The following BRPF1 variants were observed in gnomAD, a reference collection of about 807,000 sequenced individuals.
BRPF1 encodes bromodomain and PHD finger containing 1, also known as peregrin.
Under a neutral mutation model 115.0 loss-of-function variants are expected in BRPF1, and 15 were observed. That is an observed-to-expected ratio of 0.13 (90% CI 0.09 to 0.20). BRPF1 has a LOEUF of 0.20. Among genes scored for constraint, BRPF1 ranks in the 10% least tolerant of loss-of-function variants. BRPF1 has a pLI of 1.00. For synonymous variants in BRPF1, 647 were observed against 619.8 expected (o/e 1.04, Z -0.65); for missense variants, 1,118 against 1,638.3 (o/e 0.68, Z 5.48).
In BRPF1 at chr3:9,747,208, C is replaced by T. The variant is rs1415178535; in HGVS notation, c.3522C>T (p.Asn1174=). 1.2e-6 allele frequency: 2 copies of T among 1,614,140 alleles called. No individual in the cohort carries two copies. The highest frequency in any genetic ancestry group is 1.1e-5 in the South Asian group (1 of 91,084). ...CCAAGCTGGTTCCTCTGGGTGTGAA[C>T]CAGGACCTAGACAAGGAGAAGATGC... ...PRTKLVPLGV[N]QDLDKEKMLE... is the part of the protein sequence containing the mutation. Residue 1174 remains asparagine, a synonymous_variant, in exon 14 of 14, where the codon AAC becomes AAT. Transcript: ENST00000383829. The surrounding 1 kb of genome is among the most constrained non-coding windows in gnomAD (Gnocchi z 5.6).
At position 9,740,004 on chromosome 3, in the gene BRPF1, T is replaced by C. The variant is rs769485114; in HGVS notation, c.1559+46T>C. ...CAGGCAGATGAGGGAGAAAGGAGCC[T>C]CCAGGAGAGGAGCTGGCAGCCTCCT... On this transcript the variant is annotated intron_variant, in intron 3 of 13. Transcript: ENST00000383829. 5 of 1,498,660 alleles carry C rather than the reference T, an allele frequency of 3.3e-6. No homozygotes were observed. In the East Asian group the frequency reaches 1.2e-4, roughly 35 times the overall value. 92.8% of individuals were successfully genotyped at this position (1,498,660 alleles called of 1,614,324 possible).
In BRPF1 at chr3:9,743,119, G is replaced by A. The variant is rs780233862; in HGVS notation, c.2177G>A (p.Arg726Gln). Residue 726 changes from arginine to glutamine, a missense_variant, in exon 7 of 14, where the codon CGG becomes CAG. Arg to Gln is a conservative substitution (Grantham distance 43, BLOSUM62 1). Coordinates refer to ENST00000383829, the MANE Select transcript of BRPF1 (RefSeq NM_001003694.2). This position sits in a 1 kb window ranked among gnomAD's most constrained non-coding sequence, Gnocchi z 6.1. ...ACCATCTTCTACCGGGCAGCAGTGC[G>A]GCTTCGTGAGCAGGGTGGTGCTGTG... ...KDTIFYRAAV[R>Q]LREQGGAVLR... The A allele has an allele frequency of 1.4e-5, 23 of 1,614,130 alleles. No homozygotes were observed. Among genetic ancestry groups the A allele is most frequent in the East Asian group, 6.7e-5 (3 of 44,902 alleles).
In BRPF1 at chr3:9,744,928, A is replaced by G. The variant is rs372996865; in HGVS notation, c.2921-80A>G. On this transcript the variant is annotated intron_variant, in intron 9 of 13. Coordinates refer to ENST00000383829, the MANE Select transcript of BRPF1 (RefSeq NM_001003694.2). ...GCACAGAAGGGGAACCCAAGCTCCA[A>G]GTCCCTCTTACCTCCATGTCATCTC... The G allele has an allele frequency of 1.1e-3, 1,782 of 1,587,400 alleles. 1 individual carries two copies. The highest frequency in any genetic ancestry group is 1.4e-3 in the Non-Finnish European group (1,668 of 1,158,006).
chr3:9,741,310 A>G lies in BRPF1; in HGVS notation c.1725A>G (p.Arg575=). The change falls in exon 5 of 14, where the codon AGA becomes AGG. Residue 575 remains arginine, a splice_region_variant and synonymous_variant. Transcript: ENST00000383829. The stretch of plus-strand genomic sequence containing the variant: ...TGATCTTCGTTTTGCCTCTACAGAG[A>G]GATTCTGAGGATAAGAACTGGGCCC... The part of the protein sequence containing the change: ...QSQRNCDQVG[R]DSEDKNWALK... 1 of 1,571,258 alleles carries G rather than the reference A, an allele frequency of 6.4e-7. No homozygotes were observed. The highest frequency in any genetic ancestry group is 8.7e-7 in the Non-Finnish European group (1 of 1,155,206).
rs772586825 is a variant in BRPF1 at position 9,734,966 on chromosome 3, C to G, written c.599+227C>G. Among the ~76,000 whole-genome samples, 1 of 151,222 alleles carries G rather than the reference C, an allele frequency of 6.6e-6. No individual in the cohort carries two copies. Among genetic ancestry groups the G allele is most frequent in the East Asian group, 1.9e-4 (1 of 5,164 alleles). ...TCAAAACTCTCAGGTAGGTATTTTT[C>G]TCATTTCACAGATGAGGAAACTATG... On this transcript the variant is annotated intron_variant, in intron 2 of 13. Coordinates refer to ENST00000383829, the MANE Select transcript of BRPF1 (RefSeq NM_001003694.2). This position sits in a 1 kb window ranked among gnomAD's most constrained non-coding sequence, Gnocchi z 5.7.
At chr3:9,746,060 T>C in intron 12 of BRPF1, 130 bp downstream of exon 12, 1 of 1,153,806 alleles carries the variant, frequency 8.7e-7, no homozygotes, top group Middle Eastern at 2.3e-4. Context: ...GGTGGGCAGA[T>C]ACAGCTTGAG....
chr3:9,741,439 G>T lies in BRPF1; in HGVS notation c.1854G>T (p.Thr618=), dbSNP rs368707343. Residue 618 remains threonine (T), a splice_region_variant and synonymous_variant, in exon 5 of 14, where the codon ACG becomes ACT. Transcript: ENST00000383829. ...AGCGGGAAAAACTCAAAAGGGAGAC[G>T]GTGAGTGCTCCTGGGCCAGCCCTAT... The part of the protein sequence containing the change: ...IRKREKLKRE[T]IKVQQIAMEM... 3 of 1,586,514 alleles carry T rather than the reference G, an allele frequency of 1.9e-6. No homozygotes were observed. The highest frequency in any genetic ancestry group is 2.7e-5 in the African/African-American group (2 of 73,842).
rs142175258 is a variant in BRPF1, at chr3:9,740,890, A to G, written c.1671A>G (p.Leu557=). ...AGTCACGGAATGGGGTCCCATTGCT[A>G]CGTCGCCTGCAGACACACCTGCAAT... The part of the protein sequence containing the change: ...KRQSRNGVPL[L]RRLQTHLQSQ... Residue 557 remains leucine (L), a synonymous_variant, in exon 4 of 14, where the codon CTA becomes CTG. Coordinates refer to ENST00000383829, the MANE Select transcript of BRPF1 (RefSeq NM_001003694.2). 12 of 1,613,798 alleles carry G rather than the reference A, an allele frequency of 7.4e-6. No homozygotes were observed. The African/African-American group carries it at 1.5e-4, about 20-fold the overall frequency.
Position 9,739,781 on chromosome 3 carries a change from A to G in BRPF1, c.1382A>G (p.His461Arg), listed in dbSNP as rs781638484. The G allele has an allele frequency of 1.5e-4, 245 of 1,613,926 alleles. No individual in the cohort carries two copies. In the Middle Eastern group the frequency reaches 6.8e-3, roughly 45 times the overall value. Residue 461 changes from histidine to arginine, a missense_variant, in exon 3 of 14, where the codon CAC becomes CGC. This residue lies in a region of BRPF1 where 87 missense variants were observed against 93.4 expected (regional missense o/e 0.93). Transcript: ENST00000383829. Reference protein sequence around the residue: ...GSARRLPALSHSEGEEDEDEE... With the variant: ...GSARRLPALSRSEGEEDEDEE... The stretch of plus-strand genomic sequence containing the variant: ...GCACGCCGACTGCCTGCCCTGTCCC[A>G]CAGCGAGGGTGAGGAGGATGAAGAT...
At chr3:9,742,593 T>A in intron 6 of BRPF1, 2 of 969,654 alleles carry the variant, frequency 2.1e-6, no homozygotes, top group Non-Finnish European at 2.5e-6. Context: ...TACTGTTAAG[T>A]AAAAAGAGCT....
intron 1 of BRPF1, chr3:9,733,427 A>G (rs2269109): frequency 0.14 from 20,592 of 152,274 alleles, 1,764 homozygotes; most frequent in South Asian, 0.31. Flanking sequence ...TACTGGGGAT[A>G]CAGAGGTGGA....
intron 2 of BRPF1, among the ~76,000 whole-genome samples, chr3:9,738,765 T>G (rs754179264): frequency 1.3e-5 from 2 of 152,234 alleles, no homozygotes; most frequent in Non-Finnish European, 2.9e-5. Flanking sequence ...CTCCACCACT[T>G]TCTCACAAGT....
rs1048617116 is a variant in BRPF1, at chr3:9,738,924, A to G, written c.600-75A>G. The G allele has an allele frequency of 3.5e-6, 5 of 1,432,698 alleles. No homozygotes were observed. In the African/African-American group the frequency reaches 4.3e-5, roughly 12 times the overall value. The allele number at this position is 1,432,698 out of a possible 1,614,324, so 88.7% of individuals were successfully genotyped here. On this transcript the variant is annotated intron_variant, in intron 2 of 13. Transcript: ENST00000383829. The stretch of plus-strand genomic sequence containing the variant: ...GGCATAGGCACAGAGTAAGTGCTCA[A>G]TGGCAAATGACCCATCATCTTTAAG...
chr3:9,744,956 A>G (rs1309667038), intron 9 of BRPF1, 52 bp from the exon 10 acceptor site: 2 of 1,611,894 alleles, frequency 1.2e-6, no homozygotes, highest in East Asian at 4.5e-5. Context: ...GTCATCTCTG[A>G]TCTACATCTT....
chr3:9,742,439 T>G, intron 6 of BRPF1: 1 of 985,346 alleles, frequency 1.0e-6, no homozygotes, highest in Non-Finnish European at 1.2e-6. Context: ...GGAAGACACT[T>G]TCGGGGTGCT....
chr3:9,736,004 A>AT (rs34061910), intron 2 of BRPF1, among the ~76,000 whole-genome samples: 9,177 of 89,148 alleles, frequency 0.1, 773 homozygotes, highest in South Asian at 0.13. Flanking sequence ...TTAAACCTCC[A>AT]TTTTTTTTTT....
chr3:9,747,549 C>A lies in BRPF1; in HGVS notation c.*200C>A. On this transcript the variant is annotated 3_prime_UTR_variant, in exon 14 of 14. Coordinates refer to ENST00000383829, the MANE Select transcript of BRPF1 (RefSeq NM_001003694.2). This position sits in a 1 kb window ranked among gnomAD's most constrained non-coding sequence, Gnocchi z 5.6. ...AACACTCCAAGGGCCAATGGCAGTT[C>A]AGCGCAAGGAGAGGGAGGGCCCACA... 1 of 531,808 alleles carries A rather than the reference C, an allele frequency of 1.9e-6. No homozygotes were observed. Among genetic ancestry groups the A allele is most frequent in the Non-Finnish European group, 3.3e-6 (1 of 307,554 alleles). The allele number at this position is 531,808 out of a possible 1,614,324, so 32.9% of individuals were successfully genotyped here. A position where few individuals can be genotyped will look rare whatever the true frequency, so the allele number is the denominator to read the frequency against.
Position 9,731,784 on chromosome 3 carries a change from G to A in BRPF1, c.-365G>A, listed in dbSNP as rs375786132. 2.3e-4 allele frequency: 37 copies of A among 157,878 alleles called. No individual in the cohort carries two copies. In the South Asian group the frequency reaches 5.5e-3, roughly 23 times the overall value. 9.8% of individuals were successfully genotyped at this position (157,878 alleles called of 1,614,324 possible). A position where few individuals can be genotyped will look rare whatever the true frequency, so the allele number is the denominator to read the frequency against. On this transcript the variant is annotated 5_prime_UTR_variant, in exon 1 of 14. Coordinates refer to ENST00000383829, the MANE Select transcript of BRPF1 (RefSeq NM_001003694.2). ...CGCTGCTGCCGCCGCCGCTGCCACAGCCTTTGCCGCCACGGTCTCCGCCGC... is the reference window on the plus strand; with the variant it reads ...CGCTGCTGCCGCCGCCGCTGCCACAACCTTTGCCGCCACGGTCTCCGCCGC...
Position 9,738,983 on chromosome 3 carries a change from C to T in BRPF1, c.600-16C>T, listed in dbSNP as rs368199249. Reference sequence around the variant, plus strand: ...ATCTCAACCATGTGATGCTGAGTTCCCTGTTTGTACCGTAGGTACATCGAG... The same window carrying T: ...ATCTCAACCATGTGATGCTGAGTTCTCTGTTTGTACCGTAGGTACATCGAG... On this transcript the variant is annotated splice_polypyrimidine_tract_variant and intron_variant, in intron 2 of 13. Transcript: ENST00000383829. 3 of 1,527,988 alleles carry T rather than the reference C, an allele frequency of 2.0e-6. No homozygotes were observed. The highest frequency in any genetic ancestry group is 2.6e-6 in the Non-Finnish European group (3 of 1,137,520). 94.7% of individuals were successfully genotyped at this position (1,527,988 alleles called of 1,614,324 possible).
Sources: gnomAD v4.1 joint callset for allele counts (sites outside exome capture counted in the v4.1 genomes callset) on GRCh38, gnomAD v4.1.1 for gene constraint, gnomAD v4.1.1 regional missense constraint, Gnocchi (gnomAD v3.1) non-coding constraint, MANE v1.5 for transcripts, NCBI Gene and HGNC (gene_info 2026-07-23, HGNC 2026-07-21) for gene names.